LRRC4C: variants seen among roughly 807,000 people sequenced by gnomAD.
LRRC4C encodes the protein leucine rich repeat containing 4C, also known as leucine-rich repeat-containing protein 4C.
A neutral mutation model predicts 33.6 loss-of-function variants in LRRC4C; 5 were observed. That is an observed-to-expected ratio of 0.15 (90% CI 0.08 to 0.31). LRRC4C has a LOEUF of 0.31. Ranked by LOEUF, LRRC4C falls within the 10% of genes least tolerant of loss-of-function variation. LRRC4C has a pLI of 1.00. For synonymous variants in LRRC4C, 329 were observed against 302.0 expected, an observed-to-expected ratio of 1.09 and a Z score of -0.93; for missense variants, 560 against 796.7, an observed-to-expected ratio of 0.70 and a Z score of 3.58.
intron 4 of LRRC4C, among the ~76,000 whole-genome samples, chr11:40,284,556 G>A (rs902595489): frequency 6.6e-6 from 1 of 152,206 alleles, no homozygotes; most frequent in Non-Finnish European, 1.5e-5. Flanking sequence ...GGAAGAACGA[G>A]TAATAGACTA....
At chr11:40,277,326 A>G (rs1943180489) in intron 4 of LRRC4C, among the ~76,000 whole-genome samples, 2 of 152,138 alleles carry the variant, frequency 1.3e-5, no homozygotes, top group Non-Finnish European at 1.5e-5. Context: ...AAGGGTTGAT[A>G]TATTTAAAAT....
At chr11:40,714,446 C>T (rs896710230) in intron 2 of LRRC4C, among the ~76,000 whole-genome samples, 5 of 152,172 alleles carry the variant, frequency 3.3e-5, no homozygotes, top group African/African-American at 1.2e-4. Flanking sequence ...TGACTTCAGT[C>T]CCATTTGGCC....
At chr11:40,655,782 A>G (rs565604240) in intron 2 of LRRC4C, among the ~76,000 whole-genome samples, 1 of 152,344 alleles carries the variant, frequency 6.6e-6, no homozygotes, top group East Asian at 1.9e-4. Context: ...CACTGCTATA[A>G]AGACTTATCT....
At chr11:41,115,198 T>G (rs1035797302) in intron 1 of LRRC4C, among the ~76,000 whole-genome samples, 2 of 152,112 alleles carry the variant, frequency 1.3e-5, no homozygotes, top group Admixed American at 6.6e-5. Context: ...TACTAAAACT[T>G]TCAGAGCTAA....
chr11:40,558,291 A>C (rs1957408255), intron 3 of LRRC4C, among the ~76,000 whole-genome samples: 1 of 152,214 alleles, frequency 6.6e-6, no homozygotes, highest in Admixed American at 6.5e-5. Context: ...GAGACTACAT[A>C]ATTGGGCTGA....
At chr11:40,417,710 A>T (rs1324021510) in intron 3 of LRRC4C, among the ~76,000 whole-genome samples, 1 of 151,876 alleles carries the variant, frequency 6.6e-6, no homozygotes, top group East Asian at 1.9e-4. Flanking sequence ...TCATCCATTT[A>T]TTTATTCATT....
At chr11:41,134,404 T>C (rs543918078) in intron 1 of LRRC4C, among the ~76,000 whole-genome samples, 1 of 152,308 alleles carries the variant, frequency 6.6e-6, no homozygotes, top group South Asian at 2.1e-4. Flanking sequence ...ATTACAGGCA[T>C]GTGCCACTAT....
Position 40,602,755 on chromosome 11 carries a change from A to C in LRRC4C, c.-270+45387T>G, listed in dbSNP as rs187147799. Among the ~76,000 whole-genome samples, 3 of 152,322 alleles carry C rather than the reference A, an allele frequency of 2.0e-5. No individual in the cohort carries two copies. The East Asian group carries it at 5.8e-4, about 29-fold the overall frequency. On this transcript the variant is annotated intron_variant, in intron 3 of 6. Transcript: ENST00000528697. ...ATTGCAGCTTGGAGGTCTTTAAATA[A>C]AATAATCCGAAACAGCAGGTACAGT...
intron 1 of LRRC4C, among the ~76,000 whole-genome samples, chr11:41,270,604 C>T (rs935885886): frequency 6.6e-6 from 1 of 152,008 alleles, no homozygotes; most frequent in African/African-American, 2.4e-5. Context: ...GATATTACTG[C>T]CAAATAAAAC....
chr11:40,402,357 T>G (rs1949792575), intron 3 of LRRC4C, among the ~76,000 whole-genome samples: 1 of 152,160 alleles, frequency 6.6e-6, no homozygotes, highest in African/African-American at 2.4e-5. Context: ...TCAAAATGAT[T>G]TATTCAACCC....
At chr11:41,014,822 G>C (rs533321236) in intron 1 of LRRC4C, among the ~76,000 whole-genome samples, 3 of 151,972 alleles carry the variant, frequency 2.0e-5, no homozygotes, top group Non-Finnish European at 2.9e-5. Flanking sequence ...GAAGTCCTGG[G>C]GTAATGAATG....
intron 2 of LRRC4C, among the ~76,000 whole-genome samples, chr11:40,730,347 T>C (rs943508083): frequency 2.0e-5 from 3 of 151,984 alleles, no homozygotes; most frequent in Non-Finnish European, 4.4e-5. Flanking sequence ...AACCACTACA[T>C]TTTTTCTGTT....
chr11:40,168,644 C>T (rs1015728408), intron 5 of LRRC4C, among the ~76,000 whole-genome samples: 2 of 152,176 alleles, frequency 1.3e-5, no homozygotes, highest in Non-Finnish European at 2.9e-5. Context: ...AGAAACCTCA[C>T]ATCAGAGTTA....
intron 1 of LRRC4C, among the ~76,000 whole-genome samples, chr11:41,270,190 G>GA (rs1357183534): frequency 2.0e-5 from 3 of 151,944 alleles, no homozygotes; most frequent in African/African-American, 2.4e-5. Flanking sequence ...AATATCAAGA[G>GA]AAAAAAACTG....
intron 1 of LRRC4C, among the ~76,000 whole-genome samples, chr11:41,335,281 G>A (rs1396315120): frequency 6.6e-6 from 1 of 152,260 alleles, no homozygotes. Flanking sequence ...AAGCAGACCA[G>A]TAAACTAAAA....
At chr11:41,355,533 G>GTA (rs1952130348) in intron 1 of LRRC4C, among the ~76,000 whole-genome samples, 1 of 152,038 alleles carries the variant, frequency 6.6e-6, no homozygotes, top group Admixed American at 6.6e-5. Flanking sequence ...TTCCCAATTT[G>GTA]TATATATATC....
intron 2 of LRRC4C, among the ~76,000 whole-genome samples, chr11:40,790,291 G>C (rs569104693): frequency 3.3e-4 from 50 of 152,090 alleles, no homozygotes; most frequent in Admixed American, 1.4e-3. Flanking sequence ...ATTTTTTCTA[G>C]TTCTACACAG....
At chr11:40,711,714 C>A (rs1591528010) in intron 2 of LRRC4C, among the ~76,000 whole-genome samples, 4 of 129,770 alleles carry the variant, frequency 3.1e-5, no homozygotes, top group African/African-American at 5.6e-5. Context: ...TTTGTAGATT[C>A]AGAGTTAGAA....
At chr11:41,449,965 T>C (rs1428432986) in intron 1 of LRRC4C, among the ~76,000 whole-genome samples, 8 of 152,088 alleles carry the variant, frequency 5.3e-5, no homozygotes, top group Admixed American at 5.2e-4. Context: ...GTCATCCCTC[T>C]AGCTTGAGAG....
Sources: gnomAD v4.1 joint callset for allele counts (sites outside exome capture counted in the v4.1 genomes callset) on GRCh38, gnomAD v4.1.1 for gene constraint, MANE v1.5 for transcripts, NCBI Gene and HGNC (gene_info 2026-07-23, HGNC 2026-07-21) for gene names.